The following RAB8A variants were observed in gnomAD, a reference collection of about 807,000 sequenced individuals.
RAB8A encodes RAB8A, member RAS oncogene family.
A neutral mutation model predicts 29.2 loss-of-function variants in RAB8A; 5 were observed. The observed-to-expected ratio is 0.17, with a 90% confidence interval of 0.09 to 0.36. The LOEUF is 0.36. Ranked by LOEUF, RAB8A falls within the 10% of genes least tolerant of loss-of-function variation. The pLI is 1.00. For synonymous variants in RAB8A, 108 were observed against 99.9 expected (o/e 1.08, Z -0.49); for missense variants, 171 against 272.2 (o/e 0.63, Z 2.62).
intron 6 of RAB8A, among the ~76,000 whole-genome samples, chr19:16,129,051 G>A (rs1273187167): frequency 1.3e-5 from 2 of 152,216 alleles, no homozygotes; most frequent in South Asian, 2.1e-4. Context: ...CAAGGACTCC[G>A]AGTGAAGCTT....
At chr19:16,117,109 T>C (rs1422693449) in intron 1 of RAB8A, among the ~76,000 whole-genome samples, 1 of 152,168 alleles carries the variant, frequency 6.6e-6, no homozygotes, top group Non-Finnish European at 1.5e-5. Context: ...AGTACTCCGT[T>C]CCTTTTTATG....
Position 16,122,531 on chromosome 19 carries a change from C to T in RAB8A, c.246+721C>T, listed in dbSNP as rs2090879794. Among the ~76,000 whole-genome samples, 2 of 152,156 alleles carry T rather than the reference C, an allele frequency of 1.3e-5. No individual in the cohort carries two copies. Among genetic ancestry groups the T allele is most frequent in the African/African-American group, 4.8e-5 (2 of 41,442 alleles). ...TGTCTCGGGCTGTGCTGAGGATAAA[C>T]GGCTGCCTCTCCCCATTCCCAGGTC... is the stretch of plus-strand genomic sequence containing the variant. On this transcript the variant is annotated intron_variant, in intron 3 of 7. Coordinates refer to ENST00000300935, the MANE Select transcript of RAB8A (RefSeq NM_005370.5). The surrounding 1 kb of genome is among the most constrained non-coding windows in gnomAD (Gnocchi z 4.7).
intron 1 of RAB8A, among the ~76,000 whole-genome samples, chr19:16,113,138 A>G (rs904134873): frequency 1.3e-5 from 2 of 152,224 alleles, no homozygotes; most frequent in African/African-American, 2.4e-5. Context: ...CAGTGCCACA[A>G]AAGCAGTCCT....
chr19:16,128,101 G>A lies in RAB8A; in HGVS notation c.480+10G>A, dbSNP rs2233147. 1.1e-3 allele frequency: 1,786 copies of A among 1,613,154 alleles called. 13 individuals carry two copies. In the African/African-American group the frequency reaches 0.019, roughly 17 times the overall value. On this transcript the variant is annotated intron_variant, in intron 6 of 7. Coordinates refer to ENST00000300935, the MANE Select transcript of RAB8A (RefSeq NM_005370.5). ...CATCAATGTGGAAAATGTGAGTCCC[G>A]GGCCCTGCTGGGAGACATGGGGCCT...
intron 1 of RAB8A, among the ~76,000 whole-genome samples, chr19:16,117,761 C>G (rs2090852931): frequency 1.3e-5 from 2 of 152,140 alleles, no homozygotes; most frequent in Non-Finnish European, 2.9e-5. Context: ...GGACACAGAC[C>G]ACCCGCAGAA....
chr19:16,127,414 C>G lies in RAB8A; in HGVS notation c.325-23C>G, dbSNP rs1216158529. On this transcript the variant is annotated intron_variant, in intron 4 of 7. Transcript: ENST00000300935. This position sits in a 1 kb window ranked among gnomAD's most constrained non-coding sequence, Gnocchi z 4.8. ...GGCCTGTGTCATCCGGTCTGATCCC[C>G]CGTCTGTCCCCCTCCCTCTCAGCAC... 2.1e-6 allele frequency: 3 copies of G among 1,437,676 alleles called. No homozygotes were observed. In the South Asian group the frequency reaches 4.8e-5, roughly 23 times the overall value. 89.1% of individuals were successfully genotyped at this position (1,437,676 alleles called of 1,614,324 possible).
Position 16,125,226 on chromosome 19 carries a change from G to A in RAB8A, c.247-244G>A. 1 of 574,204 alleles carries A rather than the reference G, an allele frequency of 1.7e-6. No individual in the cohort carries two copies. Among genetic ancestry groups the A allele is most frequent in the East Asian group, 2.9e-5 (1 of 34,444 alleles). 35.6% of individuals were successfully genotyped at this position (574,204 alleles called of 1,614,324 possible). A position where few individuals can be genotyped will look rare whatever the true frequency, so the allele number is the denominator to read the frequency against. On this transcript the variant is annotated intron_variant, in intron 3 of 7. Transcript: ENST00000300935. The surrounding 1 kb of genome is among the most constrained non-coding windows in gnomAD (Gnocchi z 5.0). Reference sequence around the variant, plus strand: ...CAGGGGCTGGCCTGTGAGGCAGAAGGGTCACCTCAGCGGCCCGGGGGGCAG... The same window carrying A: ...CAGGGGCTGGCCTGTGAGGCAGAAGAGTCACCTCAGCGGCCCGGGGGGCAG...
chr19:16,112,083 A>T lies in RAB8A; in HGVS notation c.124+58A>T, dbSNP rs573470589. On this transcript the variant is annotated intron_variant, in intron 1 of 7. Coordinates refer to ENST00000300935, the MANE Select transcript of RAB8A (RefSeq NM_005370.5). ...GAGGCCCGGGCTGGGCGCGCCCCTG[A>T]GGGGCTGGGGCTGAGGGATCTACAG... 1.4e-5 allele frequency: 22 copies of T among 1,597,252 alleles called. No homozygotes were observed. In the African/African-American group the frequency reaches 2.4e-4, roughly 18 times the overall value.
At chr19:16,130,331 T>A (rs2144997647) in intron 7 of RAB8A, among the ~76,000 whole-genome samples, 1 of 152,134 alleles carries the variant, frequency 6.6e-6, no homozygotes, top group Admixed American at 6.5e-5. Context: ...CCATGTTACA[T>A]TGGTTGTCCA....
In RAB8A at chr19:16,132,370, C is replaced by G. The variant is rs1278727772; in HGVS notation, c.*66C>G. ...CTGTGCCTGTTCTGAGTGAGCCCCT[C>G]ACTCAGCCGGGGCCCTCCCACCTCC... On this transcript the variant is annotated 3_prime_UTR_variant, in exon 8 of 8. Coordinates refer to ENST00000300935, the MANE Select transcript of RAB8A (RefSeq NM_005370.5). The surrounding 1 kb of genome is among the most constrained non-coding windows in gnomAD (Gnocchi z 5.6). 9 of 1,533,072 alleles carry G rather than the reference C, an allele frequency of 5.9e-6. No homozygotes were observed. Among genetic ancestry groups the G allele is most frequent in the Non-Finnish European group, 8.0e-6 (9 of 1,122,562 alleles). The allele number at this position is 1,533,072 out of a possible 1,614,324, so 95.0% of individuals were successfully genotyped here.
chr19:16,129,955 C>G (rs1236796718), intron 7 of RAB8A, among the ~76,000 whole-genome samples: 1 of 152,116 alleles, frequency 6.6e-6, no homozygotes, highest in African/African-American at 2.4e-5. Context: ...TTGGGCAGGG[C>G]CAGGGCTGGT....
rs547488695 is a variant in RAB8A, at chr19:16,133,734, C to G, written c.*1430C>G. ...TGGTAGAGCCCATGGATTACCCCATCGAGCGGCCACCTCAGAGGAGATGCC... is the reference window on the plus strand; with the variant it reads ...TGGTAGAGCCCATGGATTACCCCATGGAGCGGCCACCTCAGAGGAGATGCC... On this transcript the variant is annotated 3_prime_UTR_variant, in exon 8 of 8. Coordinates refer to ENST00000300935, the MANE Select transcript of RAB8A (RefSeq NM_005370.5). 6.6e-6 allele frequency: 1 copy of G among 152,440 alleles called. No homozygotes were observed. Among genetic ancestry groups the G allele is most frequent in the African/African-American group, 2.4e-5 (1 of 41,422 alleles). The allele number at this position is 152,440 out of a possible 1,614,324, so 9.4% of individuals were successfully genotyped here.
intron 1 of RAB8A, chr19:16,112,887 A>C (rs529569508): frequency 6.6e-6 from 1 of 152,346 alleles, no homozygotes; most frequent in South Asian, 2.1e-4. Context: ...CAGCAATGGC[A>C]AGTGACAGCA....
chr19:16,113,242 C>T (rs555419250), intron 1 of RAB8A, among the ~76,000 whole-genome samples: 5 of 152,238 alleles, frequency 3.3e-5, no homozygotes, highest in Admixed American at 6.5e-5. Flanking sequence ...AGTGGGGGAA[C>T]GGTCACTAAG....
In RAB8A at chr19:16,123,917, C is replaced by CTCAGTG. The variant is rs2090885820; in HGVS notation, c.247-1551_247-1546dup. The stretch of plus-strand genomic sequence containing the variant: ...GGAAAACCTGGAATAGGATGGCTGG[C>CTCAGTG]TCAGTGTTTTCCAGGTGCTTCTGCT... On this transcript the variant is annotated intron_variant, in intron 3 of 7. Coordinates refer to ENST00000300935, the MANE Select transcript of RAB8A (RefSeq NM_005370.5). The CTCAGTG allele has an allele frequency of 3.3e-5, 5 of 152,080 alleles. No individual in the cohort carries two copies. The South Asian group carries it at 1.0e-3, about 32-fold the overall frequency. The allele number at this position is 152,080 out of a possible 1,614,324, so 9.4% of individuals were successfully genotyped here.
In RAB8A at chr19:16,119,424, C is replaced by T. The variant is rs112432802; in HGVS notation, c.185+1138C>T. Among the ~76,000 whole-genome samples, 1,324 of 152,236 alleles carry T rather than the reference C, an allele frequency of 8.7e-3. 11 individuals carry two copies. Among genetic ancestry groups the T allele is most frequent in the Non-Finnish European group, 0.015 (1,016 of 68,012 alleles). On this transcript the variant is annotated intron_variant, in intron 2 of 7. Transcript: ENST00000300935. Reference sequence around the variant, plus strand: ...TTCTCCATGTTGGTCAGGCTGGTCTCCAACTCCCGACCTCAGGTGACCCAC... The same window carrying T: ...TTCTCCATGTTGGTCAGGCTGGTCTTCAACTCCCGACCTCAGGTGACCCAC...
rs551287917 is a variant in RAB8A, at chr19:16,125,345, G to A, written c.247-125G>A. 24 of 770,386 alleles carry A rather than the reference G, an allele frequency of 3.1e-5. No individual in the cohort carries two copies. Among genetic ancestry groups the A allele is most frequent in the East Asian group, 8.1e-5 (3 of 37,266 alleles). 47.7% of individuals were successfully genotyped at this position (770,386 alleles called of 1,614,324 possible). A position where few individuals can be genotyped will look rare whatever the true frequency, so the allele number is the denominator to read the frequency against. Reference sequence around the variant, plus strand: ...GGGGCTCCACAGAGGTGGGGAGGGCGGCAGCTAATGGGCCTGGCTGTGCAG... The same window carrying A: ...GGGGCTCCACAGAGGTGGGGAGGGCAGCAGCTAATGGGCCTGGCTGTGCAG... On this transcript the variant is annotated intron_variant, in intron 3 of 7. Coordinates refer to ENST00000300935, the MANE Select transcript of RAB8A (RefSeq NM_005370.5). This position sits in a 1 kb window ranked among gnomAD's most constrained non-coding sequence, Gnocchi z 5.0.
chr19:16,120,343 C>T (rs2090868960), intron 2 of RAB8A, among the ~76,000 whole-genome samples: 1 of 139,590 alleles, frequency 7.2e-6, no homozygotes, highest in Non-Finnish European at 1.5e-5. Flanking sequence ...GACAAAGTCT[C>T]ACTCTGTCAC....
intron 7 of RAB8A, among the ~76,000 whole-genome samples, chr19:16,131,239 G>A (rs2090923104): frequency 1.3e-5 from 2 of 152,192 alleles, no homozygotes; most frequent in African/African-American, 4.8e-5. Context: ...GGTATGATGG[G>A]GTGGGCAGAT....
Sources: allele counts gnomAD v4.1 joint callset (sites outside exome capture counted in the v4.1 genomes callset), GRCh38; gene constraint gnomAD v4.1.1; non-coding constraint Gnocchi (gnomAD v3.1); transcripts MANE v1.5; gene names NCBI Gene and HGNC (gene_info 2026-07-23, HGNC 2026-07-21).